PCLO: variants seen among roughly 807,000 people sequenced by gnomAD.
PCLO encodes piccolo presynaptic cytomatrix protein.
A neutral mutation model predicts 427.5 loss-of-function variants in PCLO; 82 were observed. The ratio of observed to expected loss-of-function variants is 0.19; its 90% CI spans 0.16 to 0.23. The LOEUF (loss-of-function observed/expected upper bound fraction) is 0.23. Among genes scored for constraint, PCLO ranks in the 10% least tolerant of loss-of-function variants. The pLI is 1.00. For missense variants in PCLO, 6,239 were observed against 6,115.9 expected (o/e 1.02, Z -0.67); for synonymous variants, 2,357 against 2,155.4 (o/e 1.09, Z -2.59).
intron 20 of PCLO, among the ~76,000 whole-genome samples, chr7:82,815,740 T>C (rs1791664363): frequency 6.6e-6 from 1 of 152,142 alleles, no homozygotes; most frequent in African/African-American, 2.4e-5. Context: ...AGTTGTGGTA[T>C]TAGGTTGGTG....
At chr7:83,093,317 A>G (rs1790428769) in intron 3 of PCLO, among the ~76,000 whole-genome samples, 1 of 151,086 alleles carries the variant, frequency 6.6e-6, no homozygotes, top group African/African-American at 2.4e-5. Flanking sequence ...CTATACTTCA[A>G]ATTTTCCAAG....
In PCLO at chr7:82,950,237, C is replaced by A; in HGVS notation, c.10351G>T (p.Asp3451Tyr). ...CTCACATAGCTCCGATCTGTGGCAT[C>A]TTCGTCATCCGTTTGTACACCACTG... is the stretch of plus-strand genomic sequence containing the variant. ...VDSGVQTDDE[D>Y]ATDRSYVSRR... Residue 3451 changes from aspartate to tyrosine, a missense_variant, in exon 6 of 25, where the codon GAT becomes TAT. By Grantham distance (160) the Asp-to-Tyr change is radical (BLOSUM62 -3). Around this residue, in one of 5 missense-constraint regions of PCLO, gnomAD observed 4,677 missense variants for 4,468.4 expected, o/e 1.05. Transcript: ENST00000333891. The A allele has an allele frequency of 6.2e-7, 1 of 1,613,048 alleles. No homozygotes were observed. Among genetic ancestry groups the A allele is most frequent in the Non-Finnish European group, 8.5e-7 (1 of 1,179,758 alleles).
chr7:82,792,334 C>CT (rs1417543209), intron 22 of PCLO, among the ~76,000 whole-genome samples: 232 of 144,220 alleles, frequency 1.6e-3, no homozygotes, highest in Middle Eastern at 3.6e-3. Context: ...TTTTATGGCT[C>CT]TTTTTTTTTT....
At chr7:82,837,100 A>T (rs1466195773) in intron 15 of PCLO, among the ~76,000 whole-genome samples, 1 of 152,124 alleles carries the variant, frequency 6.6e-6, no homozygotes, top group Non-Finnish European at 1.5e-5. Context: ...AATTATGCTT[A>T]TACGAGGTAT....
At chr7:82,925,582 T>C (rs1403402954) in intron 6 of PCLO, among the ~76,000 whole-genome samples, 2 of 152,032 alleles carry the variant, frequency 1.3e-5, no homozygotes, top group African/African-American at 4.8e-5. Context: ...TTACACACAA[T>C]ACCATTAGTA....
chr7:83,119,571 C>G (rs777606261), intron 3 of PCLO, among the ~76,000 whole-genome samples: 1 of 152,000 alleles, frequency 6.6e-6, no homozygotes, highest in East Asian at 1.9e-4. Context: ...AGGAAGGGTA[C>G]AAATAAGCCC....
In PCLO at chr7:82,757,522, G is replaced by A. The variant is rs1001421677; in HGVS notation, c.*1053C>T. On this transcript the variant is annotated 3_prime_UTR_variant, in exon 25 of 25. Transcript: ENST00000333891. The stretch of plus-strand genomic sequence containing the variant: ...TAAGGAAAAAAGCATAAAATATTAT[G>A]AAATGAGGATCCATTTAATTAATCA... 2.0e-5 allele frequency: 3 copies of A among 151,874 alleles called. No homozygotes were observed. Among genetic ancestry groups the A allele is most frequent in the Non-Finnish European group, 4.4e-5 (3 of 67,882 alleles). 9.4% of individuals were successfully genotyped at this position (151,874 alleles called of 1,614,324 possible).
intron 10 of PCLO, chr7:82,868,010 T>G: frequency 2.7e-6 from 1 of 377,084 alleles, no homozygotes; most frequent in African/African-American, 2.1e-5. Flanking sequence ...TATTAGAAAA[T>G]CTTCATATCA....
chr7:83,043,912 CTTTTTTTTT>C (rs869061778), intron 3 of PCLO, among the ~76,000 whole-genome samples: 3,185 of 95,034 alleles, frequency 0.034, 124 homozygotes, highest in African/African-American at 0.12. Flanking sequence ...CTATTATTTT[CTTTTTTTTT>C]TTTTTTTTTT....
rs529729184 is a variant in PCLO at position 83,133,282 on chromosome 7, T to C, written c.3300+968A>G. On this transcript the variant is annotated intron_variant, in intron 3 of 24. Transcript: ENST00000333891. ...TAATGAATAACAAAATCAAGGACAT[T>C]GGAGTGAAATTATTCTTAAGTATTT... 8.3e-4 allele frequency among the ~76,000 whole-genome samples: 126 copies of C among 152,066 alleles called. 1 individual carries two copies. Among genetic ancestry groups the C allele is most frequent in the Middle Eastern group, 3.5e-3 (1 of 286 alleles).
chr7:83,096,948 A>T (rs1204835648), intron 3 of PCLO, among the ~76,000 whole-genome samples: 1 of 58,580 alleles, frequency 1.7e-5, no homozygotes, highest in Non-Finnish European at 2.7e-5. Flanking sequence ...ATTATATATT[A>T]TATAAATAAT....
At chr7:82,958,990 GC>G (rs1488524283) in intron 4 of PCLO, among the ~76,000 whole-genome samples, 1 of 152,092 alleles carries the variant, frequency 6.6e-6, no homozygotes, top group African/African-American at 2.4e-5. Flanking sequence ...GGGTACTTAA[GC>G]TCCTTGTGAA....
intron 3 of PCLO, among the ~76,000 whole-genome samples, chr7:83,085,962 C>T (rs1790220235): frequency 1.3e-5 from 2 of 152,008 alleles, no homozygotes; most frequent in African/African-American, 4.8e-5. Context: ...TGAATTTTGA[C>T]ATAAATACAT....
rs1352942282 is a variant in PCLO at position 83,024,643 on chromosome 7, T to C, written c.3301-58156A>G. ...CCTGCCTGCCTCTGTAGGCTCCACC[T>C]CTGGGGGCAGGACACAGACAAACAA... On this transcript the variant is annotated intron_variant, in intron 3 of 24. Coordinates refer to ENST00000333891, the MANE Select transcript of PCLO (RefSeq NM_033026.6). Among the ~76,000 whole-genome samples the C allele has an allele frequency of 4.6e-5, 7 of 152,276 alleles. No individual in the cohort carries two copies. The East Asian group carries it at 1.4e-3, about 30-fold the overall frequency.
chr7:82,870,332 G>A (rs969166416), intron 10 of PCLO, among the ~76,000 whole-genome samples: 7 of 150,736 alleles, frequency 4.6e-5, no homozygotes, highest in East Asian at 3.9e-4. Context: ...AAGAATATAC[G>A]CTGGCAAAAG....
In PCLO at chr7:82,911,392, C is replaced by CA. The variant is rs891351186; in HGVS notation, c.13301-2380dup. On this transcript the variant is annotated intron_variant, in intron 7 of 24. Coordinates refer to ENST00000333891, the MANE Select transcript of PCLO (RefSeq NM_033026.6). ...CTCAGTGAAAAAGTAAATTTTATAA[C>CA]AAAAAAAATTCTGAATTAGTTCAAA... Among the ~76,000 whole-genome samples the CA allele has an allele frequency of 2.2e-4, 33 of 150,960 alleles. 1 individual carries two copies. Among genetic ancestry groups the CA allele is most frequent in the Non-Finnish European group, 1.5e-4 (10 of 67,730 alleles).
intron 20 of PCLO, among the ~76,000 whole-genome samples, chr7:82,809,856 A>G (rs1476475485): frequency 6.6e-6 from 1 of 151,616 alleles, no homozygotes; most frequent in Non-Finnish European, 1.5e-5. Context: ...AAAGGTGATC[A>G]TTCAACTATA....
At chr7:83,124,563 G>A (rs1168700878) in intron 3 of PCLO, among the ~76,000 whole-genome samples, 1 of 151,992 alleles carries the variant, frequency 6.6e-6, no homozygotes, top group East Asian at 1.9e-4. Context: ...ATTGTTGATG[G>A]GAATGTTAAG....
At chr7:82,949,360 C>T in intron 6 of PCLO, 116 bp downstream of exon 6, 1 of 753,220 alleles carries the variant, frequency 1.3e-6, no homozygotes, top group African/African-American at 1.7e-5. Context: ...ATAATCTTCA[C>T]CCTAATCTAG....
Sources: gnomAD v4.1 joint callset for allele counts (sites outside exome capture counted in the v4.1 genomes callset) on GRCh38, gnomAD v4.1.1 for gene constraint, gnomAD v4.1.1 regional missense constraint, MANE v1.5 for transcripts, NCBI Gene and HGNC (gene_info 2026-07-23, HGNC 2026-07-21) for gene names.